DAB1: variants seen among roughly 807,000 people sequenced by gnomAD.
DAB1 encodes DAB adaptor protein 1.
DAB1 carries 15 observed loss-of-function variants against 64.6 expected under a neutral mutation model. The ratio of observed to expected loss-of-function variants is 0.23; its 90% CI spans 0.16 to 0.36. DAB1 has a LOEUF of 0.36. DAB1 is among the 10% of genes least tolerant of loss of function. The pLI, the probability that DAB1 is intolerant of heterozygous loss-of-function variation, is 1.00. For missense variants in DAB1, 596 were observed against 706.7 expected (o/e 0.84, Z 1.78); for synonymous variants, 235 against 251.9 (o/e 0.93, Z 0.64).
At chr1:58,305,703 A>AT (rs1662289794) in intron 4 of DAB1, among the ~76,000 whole-genome samples, 1 of 152,214 alleles carries the variant, frequency 6.6e-6, no homozygotes. Context: ...AAAAAGTTCT[A>AT]TCAAGTAGGT....
intron 3 of DAB1, among the ~76,000 whole-genome samples, chr1:58,431,700 T>A (rs1393759565): frequency 6.6e-6 from 1 of 152,224 alleles, no homozygotes; most frequent in Non-Finnish European, 1.5e-5. Flanking sequence ...TAAGTATCTA[T>A]GCTGTTGTTT....
At chr1:58,129,094 T>C (rs1476351857) in intron 5 of DAB1, among the ~76,000 whole-genome samples, 1 of 148,654 alleles carries the variant, frequency 6.7e-6, no homozygotes, top group Non-Finnish European at 1.5e-5. Context: ...TCCTGGACTC[T>C]TTTTGGTTGG....
chr1:57,559,340 A>G (rs1645025209), intron 7 of DAB1, among the ~76,000 whole-genome samples: 1 of 152,228 alleles, frequency 6.6e-6, no homozygotes, highest in African/African-American at 2.4e-5. Flanking sequence ...GCCAGTTTAT[A>G]GACTCAGAAC....
In DAB1 at chr1:57,979,198, T is replaced by C. The variant is rs376047930; in HGVS notation, n.388-95036A>G. Among the ~76,000 whole-genome samples, 212 of 152,092 alleles carry C rather than the reference T, an allele frequency of 1.4e-3. 8 individuals carry two copies. The South Asian group carries it at 0.042, about 30-fold the overall frequency. On this transcript the variant is annotated intron_variant and non_coding_transcript_variant, in intron 5 of 20. Coordinates refer to the DAB1 transcript ENST00000485760. ...TCAATAATAGACTGGATAAAGAAAA[T>C]GTGGCACATATACACCATGGAATAC...
intron 3 of DAB1, among the ~76,000 whole-genome samples, chr1:58,478,684 C>T (rs1469635686): frequency 6.6e-6 from 1 of 152,082 alleles, no homozygotes; most frequent in Non-Finnish European, 1.5e-5. Flanking sequence ...ATGTGCAAAG[C>T]ATTATAAGTA....
intron 4 of DAB1, among the ~76,000 whole-genome samples, chr1:58,277,114 C>T (rs987541178): frequency 1.3e-5 from 2 of 150,000 alleles, no homozygotes; most frequent in East Asian, 2.0e-4. Flanking sequence ...ATCTCGGCTC[C>T]CTGCAAGCTC....
At chr1:57,606,871 C>G (rs1210728712) in intron 7 of DAB1, among the ~76,000 whole-genome samples, 1 of 149,698 alleles carries the variant, frequency 6.7e-6, no homozygotes, top group South Asian at 2.1e-4. Context: ...CTCACTGCAA[C>G]CTCCACCTCC....
chr1:57,385,639 T>C (rs1331811675), intron 1 of DAB1, among the ~76,000 whole-genome samples: 1 of 152,094 alleles, frequency 6.6e-6, no homozygotes, highest in Admixed American at 6.6e-5. Context: ...AGAGACAGCA[T>C]GACATACTCA....
intron 5 of DAB1, among the ~76,000 whole-genome samples, chr1:58,025,872 T>C (rs963977216): frequency 3.9e-4 from 60 of 151,948 alleles, no homozygotes; most frequent in African/African-American, 1.4e-3. Flanking sequence ...CATTCATTCA[T>C]ATACATCCTA....
At chr1:58,031,809 ACTGAG>A (rs892651161) in intron 5 of DAB1, among the ~76,000 whole-genome samples, 1 of 152,176 alleles carries the variant, frequency 6.6e-6, no homozygotes, top group Non-Finnish European at 1.5e-5. Context: ...CTCAGCCCAA[ACTGAG>A]CTGAGGAAGG....
At chr1:57,597,857 G>A (rs1387386281) in intron 7 of DAB1, among the ~76,000 whole-genome samples, 1 of 152,106 alleles carries the variant, frequency 6.6e-6, no homozygotes, top group East Asian at 1.9e-4. Context: ...TCTCCTGAAT[G>A]GCACATCTTA....
intron 4 of DAB1, among the ~76,000 whole-genome samples, chr1:57,075,284 C>T (rs1386853178): frequency 1.3e-5 from 2 of 152,148 alleles, no homozygotes; most frequent in Non-Finnish European, 2.9e-5. Flanking sequence ...TCTGGGAATC[C>T]TCATTAAGTG....
intron 3 of DAB1, among the ~76,000 whole-genome samples, chr1:58,353,304 G>C (rs1644077138): frequency 6.6e-6 from 1 of 152,140 alleles, no homozygotes; most frequent in African/African-American, 2.4e-5. Flanking sequence ...TTACTGTTTT[G>C]AGTTGATTTC....
At chr1:58,192,825 G>A (rs1657460932) in intron 4 of DAB1, among the ~76,000 whole-genome samples, 1 of 152,136 alleles carries the variant, frequency 6.6e-6, no homozygotes. Flanking sequence ...TATATACCCA[G>A]TAGTGGGATT....
chr1:58,494,005 T>C (rs1205812375), intron 3 of DAB1, among the ~76,000 whole-genome samples: 5 of 151,580 alleles, frequency 3.3e-5, no homozygotes, highest in Admixed American at 6.6e-5. Context: ...TCATGCTACC[T>C]GACTTCAAAC....
chr1:57,118,533 A>T (rs1656349882), intron 4 of DAB1, among the ~76,000 whole-genome samples: 1 of 152,202 alleles, frequency 6.6e-6, no homozygotes, highest in Non-Finnish European at 1.5e-5. Flanking sequence ...AAAAAGTCAG[A>T]ATAAGGACCA....
Position 57,106,373 on chromosome 1 carries a change from C to T in DAB1, c.306+30170G>A, listed in dbSNP as rs534491308. On this transcript the variant is annotated intron_variant, in intron 4 of 14. Transcript: ENST00000371236. ...ATCTCTACACAGCGGGTGGAAGGAGCGGGTGTTCTGTTTGCCCAATTTAAA... is the reference window on the plus strand; with the variant it reads ...ATCTCTACACAGCGGGTGGAAGGAGTGGGTGTTCTGTTTGCCCAATTTAAA... Among the ~76,000 whole-genome samples, 20 of 151,876 alleles carry T rather than the reference C, an allele frequency of 1.3e-4. No individual in the cohort carries two copies. The South Asian group carries it at 2.7e-3, about 21-fold the overall frequency.
rs376859230 is a variant in DAB1, at chr1:57,068,246, G to C, written c.663+1114C>G. On this transcript the variant is annotated intron_variant, in intron 8 of 14. Coordinates refer to ENST00000371236, the MANE Select transcript of DAB1 (RefSeq NM_001365792.1). ...TAAGGTTGTATATACTTTAAAATCT[G>C]ACACTCAGGACAAACGCAACTTTTC... Among the ~76,000 whole-genome samples the C allele has an allele frequency of 5.9e-5, 9 of 152,218 alleles. No individual in the cohort carries two copies. The East Asian group carries it at 9.7e-4, about 16-fold the overall frequency.
In DAB1 at chr1:58,435,019, T is replaced by A. The variant is rs189371681; in HGVS notation, n.257+71041A>T. On this transcript the variant is annotated intron_variant and non_coding_transcript_variant, in intron 3 of 20. Coordinates refer to the DAB1 transcript ENST00000485760. ...GTTCTCAAAACTCTCATTTCCAGAATGTAGGAAATAGCAGATGCCCTCAAG... is the reference window on the plus strand; with the variant it reads ...GTTCTCAAAACTCTCATTTCCAGAAAGTAGGAAATAGCAGATGCCCTCAAG... Among the ~76,000 whole-genome samples the A allele has an allele frequency of 1.4e-4, 21 of 152,286 alleles. No homozygotes were observed. The East Asian group carries it at 3.3e-3, about 24-fold the overall frequency.
Sources: allele counts gnomAD v4.1 joint callset (sites outside exome capture counted in the v4.1 genomes callset), GRCh38; gene constraint gnomAD v4.1.1; transcripts MANE v1.5; gene names NCBI Gene and HGNC (gene_info 2026-07-23, HGNC 2026-07-21).